XYLT1: variants seen among roughly 807,000 people sequenced by gnomAD.
The protein encoded by XYLT1 is xylosyltransferase 1.
XYLT1 carries 36 observed loss-of-function variants against 91.3 expected under a neutral mutation model. The ratio of observed to expected loss-of-function variants is 0.39; its 90% confidence interval spans 0.30 to 0.52. XYLT1 has a LOEUF of 0.52. Among genes scored for constraint, XYLT1 ranks in the 20% least tolerant of loss-of-function variants. The pLI is 0.68. For synonymous variants in XYLT1, 588 were observed against 532.0 expected (o/e 1.11, Z -1.45); for missense variants, 1,242 against 1,284.5 (o/e 0.97, Z 0.51).
intron 3 of XYLT1, among the ~76,000 whole-genome samples, chr16:17,243,513 G>A (rs1397977270): frequency 6.6e-6 from 1 of 152,164 alleles, no homozygotes; most frequent in Non-Finnish European, 1.5e-5. Context: ...CACAGATCGG[G>A]ATTGTCCTGG....
At chr16:17,221,606 G>C (rs1323796728) in intron 3 of XYLT1, among the ~76,000 whole-genome samples, 1 of 152,150 alleles carries the variant, frequency 6.6e-6, no homozygotes, top group Non-Finnish European at 1.5e-5. Context: ...GAGTGTGGTG[G>C]GGTGCACCTG....
intron 2 of XYLT1, among the ~76,000 whole-genome samples, chr16:17,277,434 G>A (rs1348518126): frequency 6.6e-6 from 1 of 152,046 alleles, no homozygotes; most frequent in Non-Finnish European, 1.5e-5. Context: ...CTGTCATCCA[G>A]GCTGGAGTGC....
chr16:17,172,466 C>CTTTTTTT (rs1157952692), intron 5 of XYLT1, among the ~76,000 whole-genome samples: 56 of 102,620 alleles, frequency 5.5e-4, no homozygotes, highest in East Asian at 2.4e-3. Flanking sequence ...GCGTTCATTT[C>CTTTTTTT]TTTTTTTTTT....
chr16:17,348,581 T>G (rs990060288), intron 2 of XYLT1, among the ~76,000 whole-genome samples: 3 of 152,148 alleles, frequency 2.0e-5, no homozygotes, highest in Non-Finnish European at 2.9e-5. Context: ...GATGTTGTTA[T>G]GAGGAAACGA....
chr16:17,154,939 A>T (rs1474040515), intron 6 of XYLT1, among the ~76,000 whole-genome samples: 1 of 152,144 alleles, frequency 6.6e-6, no homozygotes, highest in African/African-American at 2.4e-5. Flanking sequence ...GTCTTTCAAG[A>T]TCTCTGCCTC....
At chr16:17,118,858 C>A (rs534371337) in intron 10 of XYLT1, among the ~76,000 whole-genome samples, 1 of 152,096 alleles carries the variant, frequency 6.6e-6, no homozygotes, top group African/African-American at 2.4e-5. Context: ...TCAAGGCAGG[C>A]TCATTCCCAG....
In XYLT1 at chr16:17,391,413, C is replaced by T. The variant is rs563474527; in HGVS notation, c.364-33363G>A. 3.3e-5 allele frequency among the ~76,000 whole-genome samples: 5 copies of T among 152,274 alleles called. No homozygotes were observed. In the South Asian group the frequency reaches 1.0e-3, roughly 32 times the overall value. On this transcript the variant is annotated intron_variant, in intron 1 of 11. Coordinates refer to ENST00000261381, the MANE Select transcript of XYLT1 (RefSeq NM_022166.4). ...CCAAACTATCCTTGAAAAACACTAG[C>T]CTCAAAATTTCCAGAGAGACTGATT...
intron 1 of XYLT1, among the ~76,000 whole-genome samples, chr16:17,415,437 C>T (rs1042499354): frequency 2.6e-5 from 4 of 152,170 alleles, no homozygotes; most frequent in African/African-American, 4.8e-5. Flanking sequence ...CGCCTGTAAT[C>T]CCACCACTTT....
At chr16:17,404,511 G>A (rs1231545179) in intron 1 of XYLT1, among the ~76,000 whole-genome samples, 2 of 152,180 alleles carry the variant, frequency 1.3e-5, no homozygotes, top group Non-Finnish European at 2.9e-5. Flanking sequence ...TTATACAGGT[G>A]AGAAAACCAA....
At chr16:17,320,332 A>C (rs1345319466) in intron 2 of XYLT1, among the ~76,000 whole-genome samples, 1 of 152,144 alleles carries the variant, frequency 6.6e-6, no homozygotes, top group African/African-American at 2.4e-5. Context: ...CCTCCAATCT[A>C]TCGCATCAAG....
At chr16:17,397,053 T>C (rs1430934427) in intron 1 of XYLT1, among the ~76,000 whole-genome samples, 1 of 152,180 alleles carries the variant, frequency 6.6e-6, no homozygotes, top group African/African-American at 2.4e-5. Flanking sequence ...CCAAGGAGAC[T>C]GAAGGGCCCT....
In XYLT1 at chr16:17,371,309, A is replaced by G. The variant is rs569806806; in HGVS notation, c.364-13259T>C. 4.6e-4 allele frequency among the ~76,000 whole-genome samples: 70 copies of G among 152,334 alleles called. 2 individuals carry two copies. The South Asian group carries it at 0.013, about 29-fold the overall frequency. On this transcript the variant is annotated intron_variant, in intron 1 of 11. Transcript: ENST00000261381. ...CTTAATGAAGTCCTAAGACTGCCAC[A>G]TAGAAAGCACTTGGTAAATTCTTGC...
chr16:17,437,264 A>G (rs2036470081), intron 1 of XYLT1, among the ~76,000 whole-genome samples: 2 of 152,198 alleles, frequency 1.3e-5, no homozygotes, highest in African/African-American at 4.8e-5. Flanking sequence ...TGAAGGCAAG[A>G]GATCCGGAAC....
At chr16:17,155,304 G>A (rs1028781425) in intron 6 of XYLT1, among the ~76,000 whole-genome samples, 1 of 152,146 alleles carries the variant, frequency 6.6e-6, no homozygotes, top group Non-Finnish European at 1.5e-5. Flanking sequence ...CCCACCCAGT[G>A]CCAGAAAATT....
intron 2 of XYLT1, among the ~76,000 whole-genome samples, chr16:17,311,346 T>C (rs1290435310): frequency 6.6e-6 from 1 of 152,190 alleles, no homozygotes; most frequent in African/African-American, 2.4e-5. Flanking sequence ...CGTGGGCTGC[T>C]CATGGGCTTC....
intron 1 of XYLT1, among the ~76,000 whole-genome samples, chr16:17,454,369 T>G (rs1347237707): frequency 6.6e-6 from 1 of 152,198 alleles, no homozygotes; most frequent in African/African-American, 2.4e-5. Flanking sequence ...GACATAGGGT[T>G]AGCAAACTTT....
chr16:17,239,147 C>T (rs1387568504), intron 3 of XYLT1, among the ~76,000 whole-genome samples: 1 of 152,238 alleles, frequency 6.6e-6, no homozygotes, highest in Non-Finnish European at 1.5e-5. Flanking sequence ...GCCTAGACTA[C>T]CCCAAAGGCA....
chr16:17,369,271 A>G (rs1332732207), intron 1 of XYLT1, among the ~76,000 whole-genome samples: 1 of 151,972 alleles, frequency 6.6e-6, no homozygotes. Context: ...CTGGGATTAC[A>G]GGCACATGCT....
At chr16:17,453,066 T>G (rs868646802) in intron 1 of XYLT1, among the ~76,000 whole-genome samples, 1 of 152,236 alleles carries the variant, frequency 6.6e-6, no homozygotes, top group Non-Finnish European at 1.5e-5. Flanking sequence ...CACAATAGCA[T>G]TGCAGCTTTG....
Sources: allele counts gnomAD v4.1 joint callset (sites outside exome capture counted in the v4.1 genomes callset), GRCh38; gene constraint gnomAD v4.1.1; transcripts MANE v1.5; gene names NCBI Gene and HGNC (gene_info 2026-07-23, HGNC 2026-07-21).